MEDAG: variants seen among roughly 807,000 people sequenced by gnomAD.
MEDAG encodes mesenteric estrogen dependent adipogenesis.
Under a neutral mutation model 29.9 loss-of-function variants are expected in MEDAG, and 25 were observed. The ratio of observed to expected loss-of-function variants is 0.84; its 90% CI spans 0.61 to 1.17. MEDAG has a LOEUF of 1.17. Ranked by LOEUF, MEDAG falls within the 50% of genes most tolerant of loss-of-function variation. The probability of loss-of-function intolerance (pLI) is 0.00; values close to 1 mark genes in which losing one functional copy is unlikely to be tolerated. For synonymous variants in MEDAG, 158 were observed against 148.2 expected, an observed-to-expected ratio of 1.07 and a Z score of -0.48; for missense variants, 398 against 372.9, an observed-to-expected ratio of 1.07 and a Z score of -0.56.
chr13:30,911,444 A>G (rs1434525850), intron 1 of MEDAG, among the ~76,000 whole-genome samples: 1 of 151,848 alleles, frequency 6.6e-6, no homozygotes, highest in Non-Finnish European at 1.5e-5. Context: ...CTTGCCACCT[A>G]CCTGCCTGCC....
chr13:30,925,521 AC>A lies in MEDAG; in HGVS notation c.*1087del, dbSNP rs1041702172. 1.3e-5 allele frequency: 2 copies of A among 152,180 alleles called. No homozygotes were observed. Among genetic ancestry groups the A allele is most frequent in the African/African-American group, 4.8e-5 (2 of 41,444 alleles). The allele number at this position is 152,180 out of a possible 1,614,324, so 9.4% of individuals were successfully genotyped here. On this transcript the variant is annotated 3_prime_UTR_variant, in exon 5 of 5. Transcript: ENST00000380482. ...TATGTACCACATTTGCACAATTAAAACTTTTCTTAGCATTCAACCTAGAATT... is the reference window on the plus strand; with the variant it reads ...TATGTACCACATTTGCACAATTAAAATTTTCTTAGCATTCAACCTAGAATT...
rs748160766 is a variant in MEDAG at position 30,921,064 on chromosome 13, CAGAT to C, written c.443_446del (p.Ile148SerfsTer11). On this transcript the variant is annotated frameshift_variant, in exon 3 of 5. Coordinates refer to ENST00000380482, the MANE Select transcript of MEDAG (RefSeq NM_032849.4). LOFTEE classifies it high-confidence loss of function. ...CACGAGGCACCCCAAGATAAGAAGA[CAGAT>C]AGAGCAAGGGATGGACATGGTCATC... The C allele has an allele frequency of 1.4e-5, 23 of 1,614,050 alleles. No individual in the cohort carries two copies. The highest frequency in any genetic ancestry group is 4.5e-5 in the East Asian group (2 of 44,898).
intron 1 of MEDAG, among the ~76,000 whole-genome samples, chr13:30,907,745 G>C (rs1952843684): frequency 6.6e-6 from 1 of 152,268 alleles, no homozygotes; most frequent in Admixed American, 6.5e-5. Flanking sequence ...GCCAGCTTTT[G>C]AGACACAGCG....
intron 2 of MEDAG, among the ~76,000 whole-genome samples, chr13:30,920,179 T>C (rs1952969003): frequency 6.6e-6 from 1 of 152,066 alleles, no homozygotes; most frequent in African/African-American, 2.4e-5. Flanking sequence ...TGGGGAGAGC[T>C]GGGCATGGGG....
rs72623491 is a variant in MEDAG, at chr13:30,918,564, T to A, written c.388+1052T>A. Among the ~76,000 whole-genome samples, 4 of 152,234 alleles carry A rather than the reference T, an allele frequency of 2.6e-5. No homozygotes were observed. The East Asian group carries it at 7.7e-4, about 29-fold the overall frequency. ...AACTATATTAAACCAAATTTCAGTA[T>A]GAAAATGTCTCCATTTTGCCTTCCT... On this transcript the variant is annotated intron_variant, in intron 2 of 4. Transcript: ENST00000380482.
rs1190692986 is a variant in MEDAG at position 30,906,622 on chromosome 13, CGCTGGCTCAGCTGCT to C, written c.110_124del (p.Leu37_Leu41del). ...TGCGACTGCGAGCTGGCCCTGCTGC[CGCTGGCTCAGCTGCT>C]GCGCCTGCAGCCCGGTGCCTTCCAG... On this transcript the variant is annotated inframe_deletion, in exon 1 of 5. Coordinates refer to ENST00000380482, the MANE Select transcript of MEDAG (RefSeq NM_032849.4). 1 of 1,583,786 alleles carries C rather than the reference CGCTGGCTCAGCTGCT, an allele frequency of 6.3e-7. No homozygotes were observed. Among genetic ancestry groups the C allele is most frequent in the Non-Finnish European group, 8.5e-7 (1 of 1,173,702 alleles).
intron 4 of MEDAG, 103 bp downstream of exon 4, chr13:30,921,949 T>G: frequency 8.0e-7 from 1 of 1,249,350 alleles, no homozygotes; most frequent in Admixed American, 2.7e-5. Context: ...GACCTATTAA[T>G]GAAAGGGAAA....
intron 1 of MEDAG, among the ~76,000 whole-genome samples, chr13:30,909,281 T>G (rs1952859888): frequency 6.6e-6 from 1 of 152,070 alleles, no homozygotes; most frequent in African/African-American, 2.4e-5. Context: ...TATTTCAGAT[T>G]TCCTCGAGGC....
intron 2 of MEDAG, among the ~76,000 whole-genome samples, chr13:30,919,463 G>C (rs1456166566): frequency 6.6e-6 from 1 of 152,190 alleles, no homozygotes; most frequent in Non-Finnish European, 1.5e-5. Flanking sequence ...TTGTGGCCAT[G>C]AGTATATAAT....
At chr13:30,912,321 T>C (rs1174945261) in intron 1 of MEDAG, among the ~76,000 whole-genome samples, 1 of 152,196 alleles carries the variant, frequency 6.6e-6, no homozygotes, top group Non-Finnish European at 1.5e-5. Context: ...GCGATCAAGC[T>C]AACACTGGAA....
intron 1 of MEDAG, among the ~76,000 whole-genome samples, chr13:30,914,101 T>C (rs568405256): frequency 6.6e-6 from 1 of 152,196 alleles, no homozygotes; most frequent in African/African-American, 2.4e-5. Context: ...CCTAATATAA[T>C]CTAGTAAGGA....
chr13:30,912,311 G>A (rs556635132), intron 1 of MEDAG, among the ~76,000 whole-genome samples: 225 of 152,284 alleles, frequency 1.5e-3, no homozygotes, highest in Non-Finnish European at 2.4e-3. Context: ...TCTGTGTAAG[G>A]CGATCAAGCT....
intron 2 of MEDAG, 30 bp downstream of exon 2, chr13:30,917,542 C>A: frequency 1.7e-6 from 2 of 1,201,326 alleles, no homozygotes; most frequent in Non-Finnish European, 2.5e-6. Context: ...CATTTTCACA[C>A]TGCTATAAAG....
intron 1 of MEDAG, chr13:30,916,833 G>A (rs1348644499): frequency 6.6e-6 from 1 of 152,504 alleles, no homozygotes; most frequent in Non-Finnish European, 1.5e-5. Context: ...GTAGTGAAAA[G>A]TCCAACATCA....
In MEDAG at chr13:30,906,729, G is replaced by C; in HGVS notation, c.214G>C (p.Val72Leu). ...EPAAARGGFN[V>L]FGDGLVRLDG... ...GGCGGCGGCGCGGGGGGGCTTCAAC[G>C]TCTTCGGTGACGGCCTCGTGCGCCT... Residue 72 changes from valine to leucine, a missense_variant, in exon 1 of 5, where the codon GTC (valine) becomes CTC (leucine). By Grantham distance (32) the Val-to-Leu change is conservative. Transcript: ENST00000380482. The C allele has an allele frequency of 1.3e-6, 2 of 1,515,224 alleles. No homozygotes were observed. Among genetic ancestry groups the C allele is most frequent in the Non-Finnish European group, 1.8e-6 (2 of 1,140,954 alleles). The allele number at this position is 1,515,224 out of a possible 1,614,324, so 93.9% of individuals were successfully genotyped here.
At chr13:30,917,366 G>A in intron 1 of MEDAG, 37 bp from the exon 2 acceptor site, 1 of 1,184,582 alleles carries the variant, frequency 8.4e-7, no homozygotes, top group Non-Finnish European at 1.3e-6. Context: ...AGATGAAAGG[G>A]TACGTTACAT....
In MEDAG at chr13:30,921,590, C is replaced by T. The variant is rs1952986042; in HGVS notation, c.531C>T (p.Phe177=). Reference sequence around the variant, plus strand: ...ATTTTCAAGAGGCAGTGAAGAATTTCTTCCCCCCAGGAAATGAAGTGGTTA... The same window carrying T: ...ATTTTCAAGAGGCAGTGAAGAATTTTTTCCCCCCAGGAAATGAAGTGGTTA... The part of the protein sequence containing the change: ...QFDFQEAVKN[F]FPPGNEVVNG... The change falls in exon 4 of 5, where the codon TTC becomes TTT. Residue 177 remains phenylalanine (F), a synonymous_variant. Transcript: ENST00000380482. The T allele has an allele frequency of 6.2e-7, 1 of 1,607,288 alleles. No individual in the cohort carries two copies. The highest frequency in any genetic ancestry group is 1.3e-5 in the African/African-American group (1 of 74,388).
In MEDAG at chr13:30,921,253, A is replaced by G. The variant is rs561752437; in HGVS notation, c.501+127A>G. 8.7e-5 allele frequency: 66 copies of G among 755,116 alleles called. 1 individual carries two copies. The South Asian group carries it at 1.1e-3, about 13-fold the overall frequency. 46.8% of individuals were successfully genotyped at this position (755,116 alleles called of 1,614,324 possible). A position where few individuals can be genotyped will look rare whatever the true frequency, so the allele number is the denominator to read the frequency against. On this transcript the variant is annotated intron_variant, in intron 3 of 4. Transcript: ENST00000380482. Reference sequence around the variant, plus strand: ...GAATGGCCCTTAGAAAACAAAGTGCATTCAGACACTTTGTTCTCAAAGGTG... The same window carrying G: ...GAATGGCCCTTAGAAAACAAAGTGCGTTCAGACACTTTGTTCTCAAAGGTG...
intron 2 of MEDAG, 73 bp from the exon 3 acceptor site, chr13:30,920,941 A>G (rs1952977370): frequency 1.6e-6 from 2 of 1,245,892 alleles, no homozygotes; most frequent in Middle Eastern, 1.9e-4. Flanking sequence ...AACCACTGCA[A>G]TAGCAAATTA....
Sources: allele counts gnomAD v4.1 joint callset (sites outside exome capture counted in the v4.1 genomes callset), GRCh38; gene constraint gnomAD v4.1.1; transcripts MANE v1.5; gene names NCBI Gene and HGNC (gene_info 2026-07-23, HGNC 2026-07-21).